IGF1R: variants seen among roughly 807,000 people sequenced by gnomAD.
The protein encoded by IGF1R is insulin like growth factor 1 receptor.
In IGF1R, 44 loss-of-function variants were observed where a neutral mutation model predicts 144.6. The observed-to-expected ratio is 0.30, with a 90% CI of 0.24 to 0.39. The LOEUF (loss-of-function observed/expected upper bound fraction) is 0.39. Ranked by LOEUF, IGF1R falls within the 10% of genes least tolerant of loss-of-function variation. The pLI is 1.00. For synonymous variants in IGF1R, 795 were observed against 722.8 expected (o/e 1.10, Z -1.60); for missense variants, 1,355 against 1,833.7 (o/e 0.74, Z 4.77).
chr15:98,873,660 T>A (rs1021530740), intron 2 of IGF1R: 1 of 152,220 alleles, frequency 6.6e-6, no homozygotes, highest in African/African-American at 2.4e-5. Context: ...GTGGATTTTC[T>A]ATGTAGGTGG....
intron 18 of IGF1R, among the ~76,000 whole-genome samples, chr15:98,941,652 C>G (rs931728321): frequency 1.9e-4 from 29 of 152,298 alleles, no homozygotes; most frequent in African/African-American, 5.8e-4. Context: ...GATGTTTTCC[C>G]AATGCCCAGC....
At chr15:98,761,102 CCTA>C (rs1458896090) in intron 2 of IGF1R, among the ~76,000 whole-genome samples, 5 of 152,266 alleles carry the variant, frequency 3.3e-5, no homozygotes, top group African/African-American at 1.2e-4. Context: ...ACCTGCCTGT[CCTA>C]CTGCTGGTCT....
intron 2 of IGF1R, among the ~76,000 whole-genome samples, chr15:98,772,476 A>G (rs372891133): frequency 1.6e-5 from 1 of 62,528 alleles, no homozygotes; most frequent in South Asian, 7.1e-4. Context: ...GTCACTTAAA[A>G]ATTATTATTA....
intron 1 of IGF1R, among the ~76,000 whole-genome samples, chr15:98,681,040 C>G (rs1255518434): frequency 6.6e-6 from 1 of 152,056 alleles, no homozygotes; most frequent in African/African-American, 2.4e-5. Flanking sequence ...TACTGTATAG[C>G]CTAGGTGTGT....
chr15:98,736,524 A>C (rs2054612197), intron 2 of IGF1R, among the ~76,000 whole-genome samples: 1 of 152,152 alleles, frequency 6.6e-6, no homozygotes, highest in Non-Finnish European at 1.5e-5. Flanking sequence ...ATTGGAGGCC[A>C]CATTTAAAAA....
At chr15:98,731,111 C>A (rs556738955) in intron 2 of IGF1R, among the ~76,000 whole-genome samples, 1 of 152,294 alleles carries the variant, frequency 6.6e-6, no homozygotes, top group East Asian at 1.9e-4. Flanking sequence ...ACTGTTGTGG[C>A]CTGGTGCCTG....
rs2017323138 is a variant in IGF1R, at chr15:98,963,853, C to T, written c.*6411C>T. 4.3e-6 allele frequency: 1 copy of T among 233,098 alleles called. No individual in the cohort carries two copies. Among genetic ancestry groups the T allele is most frequent in the East Asian group, 6.0e-5 (1 of 16,588 alleles). The allele number at this position is 233,098 out of a possible 1,614,324, so 14.4% of individuals were successfully genotyped here. ...AAAATTGGTTTTAAAGTTGACTCCA[C>T]TTCCTCTAACTCCAGTGGATTGTTG... On this transcript the variant is annotated 3_prime_UTR_variant, in exon 21 of 21. Coordinates refer to ENST00000650285, the MANE Select transcript of IGF1R (RefSeq NM_000875.5).
intron 2 of IGF1R, among the ~76,000 whole-genome samples, chr15:98,884,671 G>A (rs573465881): frequency 8.7e-4 from 103 of 118,754 alleles, no homozygotes; most frequent in African/African-American, 3.0e-3. Flanking sequence ...GTGACAGAGT[G>A]ACACTCCGTC....
At chr15:98,904,712 A>C (rs375837114) in intron 5 of IGF1R, among the ~76,000 whole-genome samples, 1 of 152,202 alleles carries the variant, frequency 6.6e-6, no homozygotes, top group Non-Finnish European at 1.5e-5. Context: ...CGAAGGAAGG[A>C]ACTGGAATGA....
In IGF1R at chr15:98,963,213, ATTTT is replaced by A. The variant is rs35151840; in HGVS notation, c.*5786_*5789del. 0.013 allele frequency: 2,846 copies of A among 211,570 alleles called. 59 individuals are homozygous for A. The highest frequency in any genetic ancestry group is 0.056 in the African/African-American group (2,304 of 41,064). The allele number at this position is 211,570 out of a possible 1,614,324, so 13.1% of individuals were successfully genotyped here. On this transcript the variant is annotated 3_prime_UTR_variant, in exon 21 of 21. Coordinates refer to ENST00000650285, the MANE Select transcript of IGF1R (RefSeq NM_000875.5). The stretch of plus-strand genomic sequence containing the variant: ...GTGTGCAAATGTGTGTTTGTGATCC[ATTTT>A]TTTTTTTTTTTTTTAGGACACCTGT...
chr15:98,940,659 C>T (rs2016331022), intron 18 of IGF1R, among the ~76,000 whole-genome samples: 1 of 152,202 alleles, frequency 6.6e-6, no homozygotes, highest in South Asian at 2.1e-4. Context: ...CGCACCTCGG[C>T]CTCCCAAAGT....
intron 2 of IGF1R, among the ~76,000 whole-genome samples, chr15:98,709,183 A>T (rs1399957717): frequency 6.6e-6 from 1 of 152,198 alleles, no homozygotes; most frequent in African/African-American, 2.4e-5. Context: ...GAACCAAGAA[A>T]CCCCAAATTG....
At chr15:98,695,644 C>T (rs1210625364) in intron 1 of IGF1R, among the ~76,000 whole-genome samples, 1 of 152,200 alleles carries the variant, frequency 6.6e-6, no homozygotes, top group Non-Finnish European at 1.5e-5. Flanking sequence ...ATCAGGCTTA[C>T]ACAATCTCAG....
chr15:98,660,820 A>T (rs2141176040), intron 1 of IGF1R, among the ~76,000 whole-genome samples: 1 of 152,314 alleles, frequency 6.6e-6, no homozygotes, highest in South Asian at 2.1e-4. Flanking sequence ...ATAAGATGTA[A>T]TGAATAATTC....
chr15:98,726,054 G>C (rs72767973), intron 2 of IGF1R, among the ~76,000 whole-genome samples: 11,554 of 152,258 alleles, frequency 0.076, 595 homozygotes, highest in South Asian at 0.13. Flanking sequence ...AGCAAGGACT[G>C]TGTTCGTGAT....
intron 2 of IGF1R, among the ~76,000 whole-genome samples, chr15:98,773,646 A>C (rs747547997): frequency 1.4e-4 from 22 of 152,126 alleles, no homozygotes; most frequent in Non-Finnish European, 2.5e-4. Flanking sequence ...CTAGCATTCG[A>C]GCGTCCTCCC....
chr15:98,761,381 A>G (rs552201601), intron 2 of IGF1R, among the ~76,000 whole-genome samples: 29 of 152,344 alleles, frequency 1.9e-4, no homozygotes, highest in Non-Finnish European at 3.4e-4. Context: ...GGAAAGTGCT[A>G]CAGAGTCCTG....
At chr15:98,855,430 G>A (rs2011756078) in intron 2 of IGF1R, among the ~76,000 whole-genome samples, 1 of 152,218 alleles carries the variant, frequency 6.6e-6, no homozygotes, top group African/African-American at 2.4e-5. Flanking sequence ...TAGGAAGTGA[G>A]TTATTACAAG....
intron 2 of IGF1R, 102 bp downstream of exon 2, chr15:98,708,209 G>C: frequency 9.8e-7 from 1 of 1,018,438 alleles, no homozygotes; most frequent in Non-Finnish European, 1.5e-6. Context: ...GCTGGGCAGG[G>C]TGCAGTCGTG....
Sources: gnomAD v4.1 joint callset for allele counts (sites outside exome capture counted in the v4.1 genomes callset) on GRCh38, gnomAD v4.1.1 for gene constraint, MANE v1.5 for transcripts, NCBI Gene and HGNC (gene_info 2026-07-23, HGNC 2026-07-21) for gene names.